Variants in LIMS1 observed in about 807,000 individuals in gnomAD.
LIMS1 encodes the protein LIM and senescent cell antigen-like-containing domain protein 1.
A neutral mutation model predicts 44.1 loss-of-function variants in LIMS1; 18 were observed. The ratio of observed to expected loss-of-function variants is 0.41; its 90% CI spans 0.28 to 0.61. The LOEUF is 0.61. LIMS1 is among the 20% of genes least tolerant of loss of function. The probability of loss-of-function intolerance (pLI) is 0.32; values close to 1 mark genes in which losing one functional copy is unlikely to be tolerated. For missense variants in LIMS1, 201 were observed against 422.0 expected (o/e 0.48, Z 4.59); for synonymous variants, 93 against 149.1 (o/e 0.62, Z 2.74).
chr2:108,562,525 G>A (rs1685158460), intron 1 of LIMS1, among the ~76,000 whole-genome samples: 1 of 152,210 alleles, frequency 6.6e-6, no homozygotes, highest in African/African-American at 2.4e-5. Context: ...CATAAAACCA[G>A]CCACAACATT....
chr2:108,635,958 C>G (rs1378581713), intron 1 of LIMS1, among the ~76,000 whole-genome samples: 1 of 152,150 alleles, frequency 6.6e-6, no homozygotes, highest in Non-Finnish European at 1.5e-5. Flanking sequence ...CTCTGTCGGC[C>G]TGGGTCCAAC....
intron 1 of LIMS1, among the ~76,000 whole-genome samples, chr2:108,561,469 GTA>G (rs1306616041): frequency 6.6e-6 from 1 of 152,164 alleles, no homozygotes; most frequent in African/African-American, 2.4e-5. Context: ...CCAATGCAGT[GTA>G]TGTGTGTGTG....
chr2:108,653,106 T>A (rs745337549), intron 1 of LIMS1, among the ~76,000 whole-genome samples: 1 of 152,094 alleles, frequency 6.6e-6, no homozygotes, highest in Non-Finnish European at 1.5e-5. Flanking sequence ...ATTTTTAGGG[T>A]TCAAAGTAGA....
At chr2:108,544,379 A>T (rs1321655356) in intron 1 of LIMS1, among the ~76,000 whole-genome samples, 1 of 152,228 alleles carries the variant, frequency 6.6e-6, no homozygotes, top group Non-Finnish European at 1.5e-5. Context: ...TTCTTGAGGG[A>T]TGTATGTCAT....
At chr2:108,587,358 G>T (rs1197505872) in intron 1 of LIMS1, among the ~76,000 whole-genome samples, 4 of 149,312 alleles carry the variant, frequency 2.7e-5, no homozygotes, top group Non-Finnish European at 4.5e-5. Context: ...TGTTGTGGTG[G>T]TATGTTTTTG....
chr2:108,669,322 C>T (rs1692002269), intron 2 of LIMS1, among the ~76,000 whole-genome samples: 4 of 151,902 alleles, frequency 2.6e-5, no homozygotes, highest in Admixed American at 1.3e-4. Context: ...GCAGGAGAAT[C>T]GCCTGAACCC....
At chr2:108,541,470 T>C (rs1340374977) in intron 1 of LIMS1, among the ~76,000 whole-genome samples, 4 of 152,220 alleles carry the variant, frequency 2.6e-5, no homozygotes, top group African/African-American at 9.6e-5. Context: ...ACAGTGCAGG[T>C]GCACCTGACT....
chr2:108,540,142 G>A (rs1684268547), intron 1 of LIMS1, among the ~76,000 whole-genome samples: 1 of 133,496 alleles, frequency 7.5e-6, no homozygotes, highest in African/African-American at 2.7e-5. Context: ...AACAAATGAT[G>A]TTTTGTGAAT....
At chr2:108,535,432 T>G (rs1366041251) in intron 1 of LIMS1, among the ~76,000 whole-genome samples, 1 of 152,208 alleles carries the variant, frequency 6.6e-6, no homozygotes, top group Non-Finnish European at 1.5e-5. Flanking sequence ...TGTCTTGCAG[T>G]TTGAATGCAG....
chr2:108,676,894 A>C (rs1387814408), intron 7 of LIMS1, 196 bp downstream of exon 7: 4 of 588,766 alleles, frequency 6.8e-6, no homozygotes, highest in South Asian at 3.2e-5. Context: ...TCTTTCATTC[A>C]AGTCCACAGT....
chr2:108,562,679 A>G (rs1278013091), intron 1 of LIMS1, among the ~76,000 whole-genome samples: 3 of 152,272 alleles, frequency 2.0e-5, no homozygotes, highest in South Asian at 2.1e-4. Flanking sequence ...TCCGAAACAT[A>G]AAAGTGCAAG....
intron 1 of LIMS1, among the ~76,000 whole-genome samples, chr2:108,572,769 G>A (rs1445370614): frequency 6.6e-6 from 1 of 152,050 alleles, no homozygotes; most frequent in Non-Finnish European, 1.5e-5. Flanking sequence ...CTTTGAAGTC[G>A]GGTGGTCTTG....
At chr2:108,634,737 C>T (rs955753660) in intron 1 of LIMS1, among the ~76,000 whole-genome samples, 3 of 152,218 alleles carry the variant, frequency 2.0e-5, no homozygotes, top group Non-Finnish European at 4.4e-5. Flanking sequence ...GGAAGGGAGG[C>T]TCAGGAATGA....
At chr2:108,631,012 A>G (rs1688889317) in intron 1 of LIMS1, among the ~76,000 whole-genome samples, 1 of 152,184 alleles carries the variant, frequency 6.6e-6, no homozygotes, top group Admixed American at 6.5e-5. Context: ...GCAGGGATGG[A>G]ATTGTTTGAT....
chr2:108,631,323 T>C lies in LIMS1; in HGVS notation c.33-28282T>C, dbSNP rs531988040. Among the ~76,000 whole-genome samples the C allele has an allele frequency of 4.6e-5, 7 of 152,320 alleles. No individual in the cohort carries two copies. The Middle Eastern group carries it at 0.014, about 298-fold the overall frequency. On this transcript the variant is annotated intron_variant, in intron 1 of 9. Coordinates refer to ENST00000544547, the Ensembl canonical transcript of LIMS1. The stretch of plus-strand genomic sequence containing the variant: ...ATAGCCCACTGGCCTGGGTCCAGTG[T>C]CTTGAATAACTACTTAGTAATTGAC...
chr2:108,674,126 G>A (rs376309023), intron 5 of LIMS1, among the ~76,000 whole-genome samples: 4 of 151,906 alleles, frequency 2.6e-5, no homozygotes, highest in African/African-American at 9.7e-5. Context: ...AGGAGATCAA[G>A]ACCATCCTGG....
At chr2:108,539,566 A>G (rs764164355) in intron 1 of LIMS1, among the ~76,000 whole-genome samples, 1 of 152,186 alleles carries the variant, frequency 6.6e-6, no homozygotes, top group Non-Finnish European at 1.5e-5. Flanking sequence ...TGTGATAACT[A>G]AATATGAAGG....
chr2:108,592,219 C>T (rs1686441709), intron 1 of LIMS1, among the ~76,000 whole-genome samples: 1 of 152,100 alleles, frequency 6.6e-6, no homozygotes, highest in African/African-American at 2.4e-5. Flanking sequence ...AGTGTTTTAG[C>T]TCTGAGTCGG....
chr2:108,653,815 GTTCAGTCCAGTAA>G (rs1690665710), intron 1 of LIMS1, among the ~76,000 whole-genome samples: 1 of 130,924 alleles, frequency 7.6e-6, no homozygotes, highest in African/African-American at 2.7e-5. Flanking sequence ...ATGTACATTG[GTTCAGTCCAGTAA>G]GGTGGAACAA....
Sources: allele counts gnomAD v4.1 joint callset (sites outside exome capture counted in the v4.1 genomes callset), GRCh38; gene constraint gnomAD v4.1.1; transcripts MANE v1.5; gene names NCBI Gene and HGNC (gene_info 2026-07-23, HGNC 2026-07-21).